Variants in SSH2 observed in about 807,000 individuals in gnomAD.
The protein encoded by SSH2 is slingshot protein phosphatase 2.
SSH2 carries 37 observed loss-of-function variants against 135.2 expected under a neutral mutation model. The observed-to-expected ratio is 0.27, with a 90% CI of 0.21 to 0.36. The LOEUF (loss-of-function observed/expected upper bound fraction) is 0.36. Ranked by LOEUF, SSH2 falls within the 10% of genes least tolerant of loss-of-function variation. The probability of loss-of-function intolerance (pLI) is 1.00; values close to 1 mark genes in which losing one functional copy is unlikely to be tolerated. For missense variants in SSH2, 1,408 were observed against 1,765.3 expected, an observed-to-expected ratio of 0.80 and a Z score of 3.63; for synonymous variants, 628 against 646.2, an observed-to-expected ratio of 0.97 and a Z score of 0.43.
chr17:29,780,490 T>A (rs1364456277), intron 3 of SSH2: 3 of 151,300 alleles, frequency 2.0e-5, no homozygotes, highest in Non-Finnish European at 1.5e-5. Flanking sequence ...TGGAGTGCGA[T>A]CTTGGCTCAC....
Position 29,836,305 on chromosome 17 carries a change from G to A in SSH2, c.144+12544C>T, listed in dbSNP as rs187950751. Among the ~76,000 whole-genome samples the A allele has an allele frequency of 5.5e-4, 83 of 152,062 alleles. 1 individual carries two copies. Among genetic ancestry groups the A allele is most frequent in the Non-Finnish European group, 5.7e-4 (39 of 67,972 alleles). ...TATCTAAATGATAAATCTTATCATCGTTTTTCCATTTGAATTTTTCATAAC... is the reference window on the plus strand; with the variant it reads ...TATCTAAATGATAAATCTTATCATCATTTTTCCATTTGAATTTTTCATAAC... On this transcript the variant is annotated intron_variant, in intron 2 of 15. Transcript: ENST00000540801.
At chr17:29,777,168 C>T (rs1305371162) in intron 3 of SSH2, among the ~76,000 whole-genome samples, 2 of 151,522 alleles carry the variant, frequency 1.3e-5, no homozygotes, top group East Asian at 1.9e-4. Flanking sequence ...GCCAAGATCT[C>T]GCCACTGCAC....
chr17:29,845,779 T>C (rs1408534084), intron 2 of SSH2, among the ~76,000 whole-genome samples: 1 of 152,100 alleles, frequency 6.6e-6, no homozygotes, highest in Middle Eastern at 3.2e-3. Flanking sequence ...AGGCTGCTCT[T>C]GAACTCCTGG....
chr17:29,752,840 GAA>G (rs36083993), intron 3 of SSH2, among the ~76,000 whole-genome samples: 1 of 141,386 alleles, frequency 7.1e-6, no homozygotes. Flanking sequence ...TCAAATCACA[GAA>G]AAAAAAAAAA....
At chr17:29,719,370 G>A (rs968759627) in intron 3 of SSH2, among the ~76,000 whole-genome samples, 3 of 152,012 alleles carry the variant, frequency 2.0e-5, no homozygotes, top group Non-Finnish European at 2.9e-5. Context: ...GTTTGGGCCC[G>A]GTGTGGTGGC....
intron 2 of SSH2, among the ~76,000 whole-genome samples, chr17:29,806,551 G>A (rs1028758223): frequency 9.9e-5 from 15 of 152,218 alleles, no homozygotes; most frequent in African/African-American, 3.6e-4. Context: ...CTTATGTTCA[G>A]CCAATACATA....
intron 2 of SSH2, 65 bp downstream of exon 2, chr17:29,848,784 C>A: frequency 9.2e-7 from 1 of 1,091,826 alleles, no homozygotes; most frequent in Non-Finnish European, 1.3e-6. Context: ...ATTTAATAGC[C>A]AAATTTACCC....
At chr17:29,727,086 C>T (rs2040026750) in intron 3 of SSH2, among the ~76,000 whole-genome samples, 1 of 152,176 alleles carries the variant, frequency 6.6e-6, no homozygotes, top group Admixed American at 6.5e-5. Flanking sequence ...GGAGGAACAG[C>T]TGCAGAGAAT....
At chr17:29,858,460 G>A (rs1263846342) in intron 1 of SSH2, among the ~76,000 whole-genome samples, 1 of 152,112 alleles carries the variant, frequency 6.6e-6, no homozygotes, top group Non-Finnish European at 1.5e-5. Context: ...GTTGTATTTG[G>A]AAACGGAGCC....
chr17:29,712,913 T>G (rs1352682155), intron 3 of SSH2, among the ~76,000 whole-genome samples: 1 of 152,254 alleles, frequency 6.6e-6, no homozygotes, highest in Admixed American at 6.5e-5. Flanking sequence ...TAGTTAGCAG[T>G]AGGGCTGGGC....
chr17:29,811,857 T>G (rs1276560112), intron 2 of SSH2, among the ~76,000 whole-genome samples: 1 of 152,186 alleles, frequency 6.6e-6, no homozygotes, highest in Non-Finnish European at 1.5e-5. Context: ...AACCAAATAA[T>G]TTAATGCAAG....
At chr17:29,911,185 G>A (rs777777655) in intron 1 of SSH2, among the ~76,000 whole-genome samples, 2 of 152,108 alleles carry the variant, frequency 1.3e-5, no homozygotes, top group Non-Finnish European at 2.9e-5. Flanking sequence ...AAATAAACAT[G>A]AATAAAAATG....
intron 14 of SSH2, among the ~76,000 whole-genome samples, chr17:29,642,413 C>T (rs867467161): frequency 6.6e-6 from 1 of 152,118 alleles, no homozygotes; most frequent in African/African-American, 2.4e-5. Context: ...ATACCACAGA[C>T]ACACGGTCCA....
chr17:29,844,613 A>G (rs1469408017), intron 2 of SSH2, among the ~76,000 whole-genome samples: 1 of 152,240 alleles, frequency 6.6e-6, no homozygotes, highest in Non-Finnish European at 1.5e-5. Context: ...TCCTGCAGCT[A>G]AAGCCAGTAT....
At position 29,716,594 on chromosome 17, in the gene SSH2, C is replaced by T. The variant is rs1166474772; in HGVS notation, c.189-13532G>A. ...TACATTATCACCTTTCTTATAGATT[C>T]GCATATGCATGGCCAAAGGAACAAC... On this transcript the variant is annotated intron_variant, in intron 3 of 15. Coordinates refer to ENST00000540801, the MANE Select transcript of SSH2 (RefSeq NM_001282129.2). 1.2e-4 allele frequency: 83 copies of T among 698,152 alleles called. No individual in the cohort carries two copies. In the East Asian group the frequency reaches 1.3e-3, roughly 11 times the overall value. 43.2% of individuals were successfully genotyped at this position (698,152 alleles called of 1,614,324 possible).
intron 2 of SSH2, among the ~76,000 whole-genome samples, chr17:29,819,941 TA>T (rs2042624454): frequency 6.6e-6 from 1 of 152,162 alleles, no homozygotes; most frequent in Non-Finnish European, 1.5e-5. Flanking sequence ...TGGCCTGTAA[TA>T]AGGAAAGGTT....
rs187420114 is a variant in SSH2 at position 29,842,386 on chromosome 17, G to A, written c.144+6463C>T. ...GGAGCATCTCTTGAACCTGGGAGGC[G>A]CAGGTTGCAGTGAGCCGAGATCACG... On this transcript the variant is annotated intron_variant, in intron 2 of 15. Coordinates refer to ENST00000540801, the MANE Select transcript of SSH2 (RefSeq NM_001282129.2). Among the ~76,000 whole-genome samples, 1,160 of 150,968 alleles carry A rather than the reference G, an allele frequency of 7.7e-3. 6 individuals are homozygous for A. The highest frequency in any genetic ancestry group is 0.014 in the Middle Eastern group (4 of 294).
At chr17:29,696,289 T>A (rs1040278813) in intron 4 of SSH2, among the ~76,000 whole-genome samples, 17 of 150,146 alleles carry the variant, frequency 1.1e-4, no homozygotes, top group African/African-American at 4.1e-4. Context: ...TATATATATG[T>A]ATATACACAT....
At chr17:29,782,760 A>G (rs1271711057) in intron 3 of SSH2, among the ~76,000 whole-genome samples, 1 of 151,902 alleles carries the variant, frequency 6.6e-6, no homozygotes, top group African/African-American at 2.4e-5. Context: ...TAATTTTTGT[A>G]TTTTTAGTTG....
Sources: allele counts gnomAD v4.1 joint callset (sites outside exome capture counted in the v4.1 genomes callset), GRCh38; gene constraint gnomAD v4.1.1; transcripts MANE v1.5; gene names NCBI Gene and HGNC (gene_info 2026-07-23, HGNC 2026-07-21).